FLNB: variants seen among roughly 807,000 people sequenced by gnomAD.
The protein encoded by FLNB is filamin B, also known as filamin-B.
FLNB carries 111 observed loss-of-function variants against 250.6 expected under a neutral mutation model. The observed-to-expected ratio is 0.44, with a 90% confidence interval of 0.38 to 0.52. FLNB has a LOEUF of 0.52. Ranked by LOEUF, FLNB falls within the 20% of genes least tolerant of loss-of-function variation. The probability of loss-of-function intolerance (pLI) is 0.00; values close to 1 mark genes in which losing one functional copy is unlikely to be tolerated. For missense variants in FLNB, 2,869 were observed against 3,447.8 expected (o/e 0.83, Z 4.20); for synonymous variants, 1,302 against 1,372.1 (o/e 0.95, Z 1.13).
At chr3:58,055,097 T>C (rs1292161932) in intron 1 of FLNB, among the ~76,000 whole-genome samples, 1 of 152,048 alleles carries the variant, frequency 6.6e-6, no homozygotes, top group Non-Finnish European at 1.5e-5. Flanking sequence ...TGAAATCCTG[T>C]CTCTACCAAA....
intron 43 of FLNB, among the ~76,000 whole-genome samples, chr3:58,167,949 C>T (rs967439946): frequency 2.6e-5 from 4 of 152,170 alleles, no homozygotes; most frequent in South Asian, 2.1e-4. Context: ...TGGCTGCACC[C>T]GGTCTGCAGC....
At position 58,092,200 on chromosome 3, in the gene FLNB, A is replaced by G. The variant is rs1305264744; in HGVS notation, c.788-2636A>G. ...ATGCGAATTAATCCTAGTACACACT[A>G]TCAGAACGGCTAAAATAAAAAATAT... On this transcript the variant is annotated intron_variant, in intron 4 of 45. Coordinates refer to ENST00000295956, the MANE Select transcript of FLNB (RefSeq NM_001457.4). 4.6e-5 allele frequency among the ~76,000 whole-genome samples: 7 copies of G among 152,372 alleles called. No individual in the cohort carries two copies. The East Asian group carries it at 1.2e-3, about 25-fold the overall frequency.
chr3:58,026,312 G>A (rs115366843), intron 1 of FLNB, among the ~76,000 whole-genome samples: 94 of 152,172 alleles, frequency 6.2e-4, no homozygotes, highest in African/African-American at 2.1e-3. Context: ...AGTCTGACTC[G>A]TCCCTGCCTT....
intron 34 of FLNB, among the ~76,000 whole-genome samples, chr3:58,147,729 C>T (rs1217665835): frequency 2.0e-5 from 3 of 152,140 alleles, no homozygotes; most frequent in African/African-American, 4.8e-5. Context: ...GGCATGATCT[C>T]GGCTCACTGT....
chr3:58,151,610 C>G (rs1269187498), intron 38 of FLNB, among the ~76,000 whole-genome samples: 2 of 152,132 alleles, frequency 1.3e-5, no homozygotes, highest in African/African-American at 4.8e-5. Context: ...TGGGCATCTT[C>G]CCACCTCAAA....
chr3:58,107,095 T>C (rs906638794), intron 12 of FLNB, among the ~76,000 whole-genome samples: 1 of 152,182 alleles, frequency 6.6e-6, no homozygotes. Context: ...GGTGGCATGA[T>C]CACAGCTCAC....
chr3:58,092,252 C>T (rs757100490), intron 4 of FLNB, among the ~76,000 whole-genome samples: 18 of 152,248 alleles, frequency 1.2e-4, no homozygotes, highest in South Asian at 2.1e-4. Context: ...AAATGCAGAA[C>T]GGATGGAGAG....
At position 58,101,420 on chromosome 3, in the gene FLNB, TA is replaced by T. The variant is rs1490134770; in HGVS notation, c.1346-780del. On this transcript the variant is annotated intron_variant, in intron 8 of 45. Transcript: ENST00000295956. Reference sequence around the variant, plus strand: ...TGGGCAGAAGATTTATTCTAGGGCATAAAGGTATCTTTTATCAACCTCTAGA... The same window carrying T: ...TGGGCAGAAGATTTATTCTAGGGCATAAGGTATCTTTTATCAACCTCTAGA... Among the ~76,000 whole-genome samples, 4 of 152,346 alleles carry T rather than the reference TA, an allele frequency of 2.6e-5. No individual in the cohort carries two copies. The East Asian group carries it at 7.7e-4, about 29-fold the overall frequency.
chr3:58,153,278 C>G, intron 38 of FLNB, 97 bp from the exon 39 acceptor site: 2 of 1,432,702 alleles, frequency 1.4e-6, no homozygotes, highest in Non-Finnish European at 2.0e-6. Context: ...CCGGGCTGCA[C>G]ACACCTTGCT....
intron 31 of FLNB, among the ~76,000 whole-genome samples, 178 bp from the exon 32 acceptor site, chr3:58,143,293 GAA>G (rs35408341): frequency 2.7e-5 from 4 of 145,642 alleles, no homozygotes; most frequent in South Asian, 2.2e-4. Context: ...AATGGAACTG[GAA>G]AAAAAAAAAA....
chr3:58,123,198 G>A lies in FLNB; in HGVS notation c.3232G>A (p.Glu1078Lys), dbSNP rs1323641861. The part of the protein sequence containing the change: ...AGTGGLGLTV[E>K]GPCEAKIECS... Reference sequence around the variant, plus strand: ...TACTGGAGGTCTGGGCTTAACGGTGGAAGGTCCGTGCGAGGCCAAAATCGA... The same window carrying A: ...TACTGGAGGTCTGGGCTTAACGGTGAAAGGTCCGTGCGAGGCCAAAATCGA... The change falls in exon 21 of 46, where the codon GAA (glutamate) becomes AAA (lysine). Residue 1078 changes from glutamate (E) to lysine (K), a missense_variant. Coordinates refer to ENST00000295956, the MANE Select transcript of FLNB (RefSeq NM_001457.4). 5.0e-6 allele frequency: 8 copies of A among 1,613,828 alleles called. No individual in the cohort carries two copies. The highest frequency in any genetic ancestry group is 6.8e-6 in the Non-Finnish European group (8 of 1,179,810).
intron 42 of FLNB, among the ~76,000 whole-genome samples, chr3:58,161,694 A>G (rs925947243): frequency 3.3e-5 from 5 of 152,190 alleles, no homozygotes; most frequent in Admixed American, 6.5e-5. Flanking sequence ...TGATTTGGTC[A>G]TTGAGCTGCG....
intron 1 of FLNB, among the ~76,000 whole-genome samples, chr3:58,028,664 A>G (rs1183194418): frequency 6.7e-6 from 1 of 148,560 alleles, no homozygotes; most frequent in East Asian, 2.0e-4. Flanking sequence ...CCCAGGCTAG[A>G]GTGCAATGGC....
At chr3:58,160,364 A>G (rs962057391) in intron 42 of FLNB, among the ~76,000 whole-genome samples, 1 of 152,228 alleles carries the variant, frequency 6.6e-6, no homozygotes, top group African/African-American at 2.4e-5. Context: ...AACTTTAAAG[A>G]GACAGTGTTA....
intron 1 of FLNB, among the ~76,000 whole-genome samples, chr3:58,025,499 C>T (rs1266906398): frequency 6.6e-6 from 1 of 152,156 alleles, no homozygotes; most frequent in African/African-American, 2.4e-5. Context: ...GATGCTCTCC[C>T]AGCAGCGGCA....
At chr3:58,126,221 A>G (rs1352633878) in intron 23 of FLNB, among the ~76,000 whole-genome samples, 1 of 152,156 alleles carries the variant, frequency 6.6e-6, no homozygotes, top group African/African-American at 2.4e-5. Flanking sequence ...TACAAGAAAT[A>G]TAAAAATTAG....
At chr3:58,153,018 T>C (rs2097347787) in intron 38 of FLNB, among the ~76,000 whole-genome samples, 1 of 152,280 alleles carries the variant, frequency 6.6e-6, no homozygotes, top group Non-Finnish European at 1.5e-5. Flanking sequence ...CCTTTTTCTC[T>C]AACTTTGTCT....
chr3:58,071,548 A>C (rs139109513), intron 1 of FLNB, among the ~76,000 whole-genome samples: 283 of 152,100 alleles, frequency 1.9e-3, no homozygotes, highest in Non-Finnish European at 3.0e-3. Flanking sequence ...CAAAGTGTTG[A>C]GATTATAGGT....
rs534813624 is a variant in FLNB, at chr3:58,100,568, T to C, written c.1346-1635T>C. Among the ~76,000 whole-genome samples the C allele has an allele frequency of 6.6e-4, 96 of 144,822 alleles. 1 individual carries two copies. In the South Asian group the frequency reaches 0.02, roughly 30 times the overall value. ...CCATGCCTGGTTACATTTTTTACCC[T>C]TTTTTTTTCTTTTTCTTTTTCTTTT... On this transcript the variant is annotated intron_variant, in intron 8 of 45. Coordinates refer to ENST00000295956, the MANE Select transcript of FLNB (RefSeq NM_001457.4).
Sources: gnomAD v4.1 joint callset for allele counts (sites outside exome capture counted in the v4.1 genomes callset) on GRCh38, gnomAD v4.1.1 for gene constraint, MANE v1.5 for transcripts, NCBI Gene and HGNC (gene_info 2026-07-23, HGNC 2026-07-21) for gene names.